Variants in IL18 observed in about 807,000 individuals in gnomAD.
IL18 encodes interleukin-18.
IL18 carries 8 observed loss-of-function variants against 14.2 expected under a neutral mutation model. The ratio of observed to expected loss-of-function variants is 0.56; its 90% CI spans 0.33 to 1.01. The LOEUF (loss-of-function observed/expected upper bound fraction) is 1.01. IL18 is among the 50% of genes least tolerant of loss of function. IL18 has a pLI of 0.03. For missense variants in IL18, 166 were observed against 231.1 expected, an observed-to-expected ratio of 0.72 and a Z score of 1.83; for synonymous variants, 67 against 71.0, an observed-to-expected ratio of 0.94 and a Z score of 0.28.
At chr11:112,154,583 A>C (rs5744249) in intron 2 of IL18, among the ~76,000 whole-genome samples, 24,479 of 152,162 alleles carry the variant, frequency 0.16, 2,646 homozygotes, top group Non-Finnish European at 0.24. Context: ...CAGAACTCTA[A>C]ATTTAGAGAA....
intron 1 of IL18, among the ~76,000 whole-genome samples, chr11:112,155,756 C>CT (rs1420133027): frequency 6.6e-6 from 1 of 152,190 alleles, no homozygotes; most frequent in African/African-American, 2.4e-5. Context: ...TTCTGCCCCT[C>CT]TTCCAATACG....
At chr11:112,151,964 C>T (rs1481380440) in intron 3 of IL18, among the ~76,000 whole-genome samples, 3 of 152,168 alleles carry the variant, frequency 2.0e-5, no homozygotes, top group African/African-American at 7.2e-5. Flanking sequence ...TACACATTTC[C>T]TCTGATTTGT....
Position 112,148,591 on chromosome 11 carries a change from G to A in IL18, c.360+12C>T. 7.1e-7 allele frequency: 1 copy of A among 1,401,148 alleles called. No homozygotes were observed. The highest frequency in any genetic ancestry group is 9.6e-7 in the Non-Finnish European group (1 of 1,045,444). The allele number at this position is 1,401,148 out of a possible 1,614,324, so 86.8% of individuals were successfully genotyped here. ...TTAACATGATTGAAAACAAAGTAAGGCTCAGTCTTACCTTAAAGGAAATAA... is the reference window on the plus strand; with the variant it reads ...TTAACATGATTGAAAACAAAGTAAGACTCAGTCTTACCTTAAAGGAAATAA... On this transcript the variant is annotated intron_variant, in intron 5 of 5. Transcript: ENST00000280357.
chr11:112,157,283 A>G (rs969064432), intron 1 of IL18, among the ~76,000 whole-genome samples: 7 of 152,212 alleles, frequency 4.6e-5, no homozygotes, highest in African/African-American at 1.4e-4. Flanking sequence ...TTATCAAACT[A>G]ATTCACCTGA....
At chr11:112,144,441 C>A (rs1157488664) in intron 5 of IL18, among the ~76,000 whole-genome samples, 1 of 152,150 alleles carries the variant, frequency 6.6e-6, no homozygotes, top group Non-Finnish European at 1.5e-5. Context: ...CAGGGGGTAT[C>A]TCACTTTGTT....
At chr11:112,146,264 T>C (rs1866341267) in intron 5 of IL18, among the ~76,000 whole-genome samples, 1 of 152,174 alleles carries the variant, frequency 6.6e-6, no homozygotes, top group Non-Finnish European at 1.5e-5. Context: ...AAGAACTTTA[T>C]AGGACTTTAT....
intron 4 of IL18, among the ~76,000 whole-genome samples, chr11:112,149,558 GTTTTTTTTTTT>G (rs561459069): frequency 2.0e-5 from 2 of 99,374 alleles, no homozygotes; most frequent in Non-Finnish European, 1.9e-5. Context: ...CTTTTCTTAA[GTTTTTTTTTTT>G]TTTTTTTTTT....
chr11:112,156,730 C>T lies in IL18; in HGVS notation c.-8-1669G>A, dbSNP rs5744239. Among the ~76,000 whole-genome samples the T allele has an allele frequency of 8.2e-3, 1,249 of 151,798 alleles. 16 individuals carry two copies. Among genetic ancestry groups the T allele is most frequent in the East Asian group, 0.059 (304 of 5,168 alleles). On this transcript the variant is annotated intron_variant, in intron 1 of 5. Transcript: ENST00000280357. ...AAAGTTCTGGGATTATAGGTGTCAG[C>T]CACCATGCCTGGCCAACACATTTAA...
At chr11:112,148,436 T>A (rs561511068) in intron 5 of IL18, among the ~76,000 whole-genome samples, 167 bp downstream of exon 5, 102 of 152,318 alleles carry the variant, frequency 6.7e-4, no homozygotes, top group African/African-American at 2.4e-3. Flanking sequence ...AGTATTCATT[T>A]TAATGGTTCT....
In IL18 at chr11:112,143,825, G is replaced by GA. The variant is rs1832127300; in HGVS notation, c.361-9dup. The GA allele has an allele frequency of 3.3e-6, 5 of 1,498,086 alleles. No homozygotes were observed. In the South Asian group the frequency reaches 3.5e-5, roughly 11 times the overall value. The allele number at this position is 1,498,086 out of a possible 1,614,324, so 92.8% of individuals were successfully genotyped here. ...ATCAGGAGGATTCATTTCCTATAGA[G>GA]AAAAAAACATTACCTAATTATTTCA... On this transcript the variant is annotated splice_polypyrimidine_tract_variant and intron_variant, in intron 5 of 5. Coordinates refer to ENST00000280357, the MANE Select transcript of IL18 (RefSeq NM_001562.4).
chr11:112,150,709 C>A (rs1397911228), intron 3 of IL18: 1 of 154,286 alleles, frequency 6.5e-6, no homozygotes, highest in African/African-American at 2.4e-5. Context: ...CACAAGCGTT[C>A]AAATCGGTGC....
At position 112,154,969 on chromosome 11, in the gene IL18, C is replaced by A. The variant is rs748077794; in HGVS notation, c.79+6G>T. The A allele has an allele frequency of 6.4e-7, 1 of 1,568,298 alleles. No individual in the cohort carries two copies. Among genetic ancestry groups the A allele is most frequent in the Admixed American group, 1.7e-5 (1 of 59,824 alleles). Reference sequence around the variant, plus strand: ...CCTGGTATTTGTTCTATGGCATTAGCCTTACCTATAAAGTAAAGCGTATTG... The same window carrying A: ...CCTGGTATTTGTTCTATGGCATTAGACTTACCTATAAAGTAAAGCGTATTG... On this transcript the variant is annotated splice_donor_region_variant and intron_variant, in intron 2 of 5. Transcript: ENST00000280357.
At position 112,143,627 on chromosome 11, in the gene IL18, G is replaced by A; in HGVS notation, c.551C>T (p.Ser184Phe). 6.2e-7 allele frequency: 1 copy of A among 1,611,968 alleles called. No homozygotes were observed. The highest frequency in any genetic ancestry group is 8.5e-7 in the Non-Finnish European group (1 of 1,178,616). The change falls in exon 6 of 6, where the codon TCT (serine) becomes TTT (phenylalanine). Residue 184 changes from serine (S) to phenylalanine (F), a missense_variant. Ser to Phe is a radical substitution (Grantham distance 155, BLOSUM62 -2). Coordinates refer to ENST00000280357, the MANE Select transcript of IL18 (RefSeq NM_001562.4). ...LKKEDELGDR[S>F]IMFTVQNED ...TTCGTTTTGAACAGTGAACATTATAGATCTATCCCCCAATTCATCCTCTTT... is the reference window on the plus strand; with the variant it reads ...TTCGTTTTGAACAGTGAACATTATAAATCTATCCCCCAATTCATCCTCTTT...
At chr11:112,157,413 A>T (rs1241066304) in intron 1 of IL18, among the ~76,000 whole-genome samples, 1 of 152,224 alleles carries the variant, frequency 6.6e-6, no homozygotes, top group Non-Finnish European at 1.5e-5. Flanking sequence ...CTGATTCACC[A>T]GTTAAGGTTT....
chr11:112,146,495 A>AT (rs1316885756), intron 5 of IL18, among the ~76,000 whole-genome samples: 4 of 151,506 alleles, frequency 2.6e-5, no homozygotes, highest in South Asian at 2.1e-4. Flanking sequence ...TAATTTTTGT[A>AT]TTTTTTTTAG....
chr11:112,143,887 A>AAG (rs1208378150), intron 5 of IL18, 70 bp from the exon 6 acceptor site: 4 of 1,018,064 alleles, frequency 3.9e-6, no homozygotes, highest in Non-Finnish European at 5.8e-6. Flanking sequence ...GTTTGTTTTG[A>AAG]AGTATATTAC....
At chr11:112,162,922 C>G (rs1041712640) in intron 1 of IL18, among the ~76,000 whole-genome samples, 2 of 152,110 alleles carry the variant, frequency 1.3e-5, no homozygotes, top group African/African-American at 4.8e-5. Flanking sequence ...AGTAGTTCTA[C>G]AGGCATGCAC....
chr11:112,162,336 CTTTTCT>C (rs1866646211), intron 1 of IL18, among the ~76,000 whole-genome samples: 1 of 137,568 alleles, frequency 7.3e-6, no homozygotes, highest in Admixed American at 7.6e-5. Flanking sequence ...TTTTTCTTTT[CTTTTCT>C]TTTTTTTTTT....
At chr11:112,154,852 G>C (rs1866505687) in intron 2 of IL18, 123 bp downstream of exon 2, 1 of 616,866 alleles carries the variant, frequency 1.6e-6, no homozygotes, top group Non-Finnish European at 2.8e-6. Flanking sequence ...TTTTTTAAGA[G>C]CCATTAATAT....
Sources: gnomAD v4.1 joint callset for allele counts (sites outside exome capture counted in the v4.1 genomes callset) on GRCh38, gnomAD v4.1.1 for gene constraint, MANE v1.5 for transcripts, NCBI Gene and HGNC (gene_info 2026-07-23, HGNC 2026-07-21) for gene names.